The following GEMIN5 variants were observed in gnomAD, a reference collection of about 807,000 sequenced individuals.
The protein encoded by GEMIN5 is gem-associated protein 5.
In GEMIN5, 124 loss-of-function variants were observed where a neutral mutation model predicts 176.9. The ratio of observed to expected loss-of-function variants is 0.70; its 90% CI spans 0.61 to 0.81. The LOEUF is 0.81. GEMIN5 is among the 40% of genes least tolerant of loss of function. The probability of loss-of-function intolerance (pLI) is 0.00; values close to 1 mark genes in which losing one functional copy is unlikely to be tolerated. For missense variants in GEMIN5, 1,843 were observed against 1,814.6 expected (o/e 1.02, Z -0.28); for synonymous variants, 673 against 665.2 (o/e 1.01, Z -0.18).
At chr5:154,924,775 G>T (rs1206198304) in intron 8 of GEMIN5, among the ~76,000 whole-genome samples, 1 of 152,030 alleles carries the variant, frequency 6.6e-6, no homozygotes, top group Non-Finnish European at 1.5e-5. Flanking sequence ...GGATCACGAG[G>T]TCAGGAGATC....
chr5:154,920,233 A>G (rs1561723376), intron 10 of GEMIN5, 130 bp from the exon 11 acceptor site: 4 of 594,436 alleles, frequency 6.7e-6, no homozygotes, highest in South Asian at 6.8e-5. Context: ...ATTCTAATAC[A>G]TTGGAATAAA....
intron 18 of GEMIN5, among the ~76,000 whole-genome samples, chr5:154,903,462 GATTCAAT>G (rs1296491099): frequency 6.6e-6 from 1 of 152,042 alleles, no homozygotes; most frequent in Non-Finnish European, 1.5e-5. Context: ...ACCACAAGGG[GATTCAAT>G]ATTCATCCTT....
In GEMIN5 at chr5:154,928,529, A is replaced by G; in HGVS notation, c.912T>C (p.Phe304=). ...AAGCATGACCAAAAAAGACTTACCCAAAACAGCTAGATACCAGCTGTGTTG... is the reference window on the plus strand; with the variant it reads ...AAGCATGACCAAAAAAGACTTACCCGAAACAGCTAGATACCAGCTGTGTTG... ...NQPTQLVSSC[F]GGELLQWDLT... The change falls in exon 6 of 28, where the codon TTT becomes TTC. Residue 304 remains phenylalanine (F), a splice_region_variant and synonymous_variant. Coordinates refer to ENST00000285873, the MANE Select transcript of GEMIN5 (RefSeq NM_015465.5). 1 of 1,614,050 alleles carries G rather than the reference A, an allele frequency of 6.2e-7. No individual in the cohort carries two copies. The highest frequency in any genetic ancestry group is 1.1e-5 in the South Asian group (1 of 91,044).
chr5:154,926,715 C>T lies in GEMIN5; in HGVS notation c.1081-641G>A, dbSNP rs575990187. 2.0e-5 allele frequency among the ~76,000 whole-genome samples: 3 copies of T among 152,292 alleles called. No individual in the cohort carries two copies. In the East Asian group the frequency reaches 5.8e-4, roughly 29 times the overall value. On this transcript the variant is annotated intron_variant, in intron 7 of 27. Coordinates refer to ENST00000285873, the MANE Select transcript of GEMIN5 (RefSeq NM_015465.5). The stretch of plus-strand genomic sequence containing the variant: ...CCAATCTTTTGGCTTTCTGGGGCCA[C>T]ACTGGAAGCAGAATTGTCTTGGGCC...
chr5:154,912,807 G>A (rs2113484196), intron 14 of GEMIN5, 92 bp downstream of exon 14: 1 of 1,081,286 alleles, frequency 9.2e-7, no homozygotes, highest in Middle Eastern at 2.6e-4. Context: ...GATAATGGGG[G>A]AGGGGGAACC....
rs1441176932 is a variant in GEMIN5 at position 154,905,428 on chromosome 5, T to C, written c.2444A>G (p.Lys815Arg). 1 of 1,610,138 alleles carries C rather than the reference T, an allele frequency of 6.2e-7. No homozygotes were observed. Among genetic ancestry groups the C allele is most frequent in the South Asian group, 1.1e-5 (1 of 90,388 alleles). Reference protein sequence around the residue: ...ICTPVSSGFEKSKVTINNKVI... With the variant: ...ICTPVSSGFERSKVTINNKVI... Reference sequence around the variant, plus strand: ...TTTGTTATTAATGGTGACTTTTGACTTTTCAAAGCCTGAGGAAACTGGAGT... The same window carrying C: ...TTTGTTATTAATGGTGACTTTTGACCTTTCAAAGCCTGAGGAAACTGGAGT... The change falls in exon 17 of 28, where the codon AAG becomes AGG. Residue 815 changes from lysine (K) to arginine (R), a missense_variant. By Grantham distance (26) the Lys-to-Arg change is conservative. Coordinates refer to ENST00000285873, the MANE Select transcript of GEMIN5 (RefSeq NM_015465.5).
rs762877076 is a variant in GEMIN5, at chr5:154,898,507, T to G, written c.3278A>C (p.Gln1093Pro). ...LSASLALRCA[Q>P]ELLLANNWVG... is the part of the protein sequence containing the mutation. ...CCAGTTGTTGGCCAGAAGCAGCTCT[T>G]GGGCACATCTGAGAGCCAGGGAAGC... The change falls in exon 23 of 28, where the codon CAA becomes CCA. Residue 1093 changes from glutamine (Q) to proline (P), a missense_variant. Physicochemically the swap from Gln to Pro is moderately conservative, Grantham distance 76 (BLOSUM62 -1). Coordinates refer to ENST00000285873, the MANE Select transcript of GEMIN5 (RefSeq NM_015465.5). 3 of 1,614,214 alleles carry G rather than the reference T, an allele frequency of 1.9e-6. No homozygotes were observed. Among genetic ancestry groups the G allele is most frequent in the Non-Finnish European group, 2.5e-6 (3 of 1,180,034 alleles).
Position 154,896,215 on chromosome 5 carries a change from C to A in GEMIN5, c.3474G>T (p.Glu1158Asp). 6.2e-7 allele frequency: 1 copy of A among 1,613,936 alleles called. No homozygotes were observed. The highest frequency in any genetic ancestry group is 2.2e-5 in the East Asian group (1 of 44,852). ...WNTGTEGPFVERVTAVWKSIF... is the reference protein window; with the variant it reads ...WNTGTEGPFVDRVTAVWKSIF... ...TGCTCTTCCACACTGCAGTCACCCT[C>A]TCCACGAAAGGCCCTTCGGTGCCCG... is the stretch of plus-strand genomic sequence containing the variant. Residue 1158 changes from glutamate to aspartate, a missense_variant, in exon 24 of 28, where the codon GAG (glutamate) becomes GAT (aspartate). Physicochemically the swap from Glu to Asp is conservative, Grantham distance 45 (BLOSUM62 2). Transcript: ENST00000285873.
Position 154,938,102 on chromosome 5 carries a change from GA to G in GEMIN5, c.31del (p.Ser11ProfsTer47). MGQEPRTLPP[S>X]PNWYCARCSD... ...GCAGCGGGCGCAGTACCAGTTGGGG[GA>G]GGGCGGCAGCGTCCGCGGCTCCTGC... On this transcript the variant is annotated frameshift_variant, in exon 1 of 28. Coordinates refer to ENST00000285873, the MANE Select transcript of GEMIN5 (RefSeq NM_015465.5). LOFTEE classifies it high-confidence loss of function. 7.0e-7 allele frequency: 1 copy of G among 1,421,198 alleles called. No homozygotes were observed. The highest frequency in any genetic ancestry group is 9.2e-7 in the Non-Finnish European group (1 of 1,085,128). 88.0% of individuals were successfully genotyped at this position (1,421,198 alleles called of 1,614,324 possible).
Position 154,888,105 on chromosome 5 carries a change from CA to C in GEMIN5, c.*104del. 2 of 1,093,918 alleles carry C rather than the reference CA, an allele frequency of 1.8e-6. No homozygotes were observed. Among genetic ancestry groups the C allele is most frequent in the Non-Finnish European group, 1.4e-6 (1 of 728,884 alleles). The allele number at this position is 1,093,918 out of a possible 1,614,324, so 67.8% of individuals were successfully genotyped here. On this transcript the variant is annotated 3_prime_UTR_variant, in exon 28 of 28. Transcript: ENST00000285873. ...TTGTTTGTATTCTTTTGGATTACTG[CA>C]AAAACATCTAGGGACCAGAGTGAAT...
chr5:154,913,121 T>G, intron 13 of GEMIN5, 83 bp from the exon 14 acceptor site: 1 of 1,170,658 alleles, frequency 8.5e-7, no homozygotes, highest in Non-Finnish European at 1.2e-6. Flanking sequence ...GGCATTCACA[T>G]GACAAGAATC....
At chr5:154,893,010 T>C (rs974059413) in intron 24 of GEMIN5, among the ~76,000 whole-genome samples, 8 of 151,952 alleles carry the variant, frequency 5.3e-5, no homozygotes, top group Admixed American at 2.0e-4. Context: ...GACAGAAGAA[T>C]TGCTTGAACC....
rs1043938495 is a variant in GEMIN5, at chr5:154,904,480, A to G, written c.2632+27T>C. 5.0e-6 allele frequency: 8 copies of G among 1,605,830 alleles called. 1 individual carries two copies. The highest frequency in any genetic ancestry group is 4.0e-5 in the African/African-American group (3 of 74,710). ...ATATACCAGTCCCGGAAGACTATGGATGGGCCAAGGAAGTACATTTTTGTA... is the reference window on the plus strand; with the variant it reads ...ATATACCAGTCCCGGAAGACTATGGGTGGGCCAAGGAAGTACATTTTTGTA... On this transcript the variant is annotated intron_variant, in intron 18 of 27. Coordinates refer to ENST00000285873, the MANE Select transcript of GEMIN5 (RefSeq NM_015465.5).
intron 15 of GEMIN5, among the ~76,000 whole-genome samples, chr5:154,908,386 G>C (rs1763618951): frequency 6.6e-6 from 1 of 151,858 alleles, no homozygotes; most frequent in Non-Finnish European, 1.5e-5. Context: ...TCACCATGTT[G>C]GTCAGGCTGG....
chr5:154,898,474 G>A lies in GEMIN5; in HGVS notation c.3311C>T (p.Ala1104Val), dbSNP rs1763398560. 1 of 1,614,138 alleles carries A rather than the reference G, an allele frequency of 6.2e-7. No individual in the cohort carries two copies. The highest frequency in any genetic ancestry group is 8.5e-7 in the Non-Finnish European group (1 of 1,179,992). Reference protein sequence around the residue: ...ELLLANNWVGAQEALQLHESL... With the variant: ...ELLLANNWVGVQEALQLHESL... ...TTCATGCAGCTGCAGGGCTTCCTGG[G>A]CTCCCACCCAGTTGTTGGCCAGAAG... The change falls in exon 23 of 28, where the codon GCC becomes GTC. Residue 1104 changes from alanine (A) to valine (V), a missense_variant. By Grantham distance (64) the Ala-to-Val change is moderately conservative. Transcript: ENST00000285873.
chr5:154,936,534 T>A (rs557051430), intron 2 of GEMIN5, among the ~76,000 whole-genome samples: 1 of 152,376 alleles, frequency 6.6e-6, no homozygotes, highest in African/African-American at 2.4e-5. Flanking sequence ...AAAAATTTTT[T>A]AAATAGCTTA....
rs1213100051 is a variant in GEMIN5 at position 154,887,687 on chromosome 5, T to C, written c.*523A>G. The C allele has an allele frequency of 6.6e-6, 1 of 152,612 alleles. No homozygotes were observed. The highest frequency in any genetic ancestry group is 1.5e-5 in the Non-Finnish European group (1 of 68,366). 9.5% of individuals were successfully genotyped at this position (152,612 alleles called of 1,614,324 possible). ...GAGTCAACATGATGGTTAAGGCCTA[T>C]TTCATATTCAAACTTCAGTCTATGA... is the stretch of plus-strand genomic sequence containing the variant. On this transcript the variant is annotated 3_prime_UTR_variant, in exon 28 of 28. Transcript: ENST00000285873.
chr5:154,935,784 TG>T (rs2113518747), intron 3 of GEMIN5, 56 bp downstream of exon 3: 1 of 1,261,926 alleles, frequency 7.9e-7, no homozygotes, highest in East Asian at 2.3e-5. Flanking sequence ...GTAAAGAAAA[TG>T]CAAAACACGA....
At position 154,902,551 on chromosome 5, in the gene GEMIN5, T is replaced by C. The variant is rs748972576; in HGVS notation, c.2854A>G (p.Met952Val). 1.1e-5 allele frequency: 18 copies of C among 1,613,944 alleles called. No individual in the cohort carries two copies. Among genetic ancestry groups the C allele is most frequent in the Middle Eastern group, 1.6e-4 (1 of 6,082 alleles). ...ACAAAAACCATACCTGCTGGTGCCATAGCCACAAGGTTGTCTGTCAGCTCC... is the reference window on the plus strand; with the variant it reads ...ACAAAAACCATACCTGCTGGTGCCACAGCCACAAGGTTGTCTGTCAGCTCC... Reference protein sequence around the residue: ...RGELTDNLVAMAPAAGYHVWL... With the variant: ...RGELTDNLVAVAPAAGYHVWL... Residue 952 changes from methionine (M) to valine (V), a missense_variant, in exon 20 of 28, where the codon ATG becomes GTG. By Grantham distance (21) the Met-to-Val change is conservative. Transcript: ENST00000285873.
Sources: gnomAD v4.1 joint callset for allele counts (sites outside exome capture counted in the v4.1 genomes callset) on GRCh38, gnomAD v4.1.1 for gene constraint, MANE v1.5 for transcripts, NCBI Gene and HGNC (gene_info 2026-07-23, HGNC 2026-07-21) for gene names.